Variants in SLC36A1 observed in about 807,000 individuals in gnomAD.
The protein encoded by SLC36A1 is proton-coupled amino acid transporter 1.
SLC36A1 carries 30 observed loss-of-function variants against 47.5 expected under a neutral mutation model. The ratio of observed to expected loss-of-function variants is 0.63; its 90% CI spans 0.47 to 0.86. The LOEUF (loss-of-function observed/expected upper bound fraction) is 0.86. Among genes scored for constraint, SLC36A1 ranks in the 40% least tolerant of loss-of-function variants. The pLI, the probability that SLC36A1 is intolerant of heterozygous loss-of-function variation, is 0.00. For missense variants in SLC36A1, 517 were observed against 606.0 expected (o/e 0.85, Z 1.54); for synonymous variants, 255 against 249.7 (o/e 1.02, Z -0.20).
chr5:151,457,333 A>G (rs1754703084), intron 1 of SLC36A1, among the ~76,000 whole-genome samples: 1 of 152,024 alleles, frequency 6.6e-6, no homozygotes, highest in Non-Finnish European at 1.5e-5. Context: ...AGGCTCATTT[A>G]GCAATGGTCT....
chr5:151,466,395 A>G (rs749357439), intron 5 of SLC36A1, among the ~76,000 whole-genome samples: 10 of 152,316 alleles, frequency 6.6e-5, no homozygotes, highest in South Asian at 2.1e-4. Flanking sequence ...TGACCATACT[A>G]TGTATACTGT....
chr5:151,533,393 AACACACAC>A, the SLC36A1 span, among the ~76,000 whole-genome samples: 263 of 132,182 alleles, frequency 2.0e-3, 1 homozygote, highest in Middle Eastern at 7.7e-3. Context: ...TGTTATCTCC[AACACACAC>A]ACACACACAC....
At chr5:151,509,823 G>A in the SLC36A1 span, 33 of 598,726 alleles carry the variant, frequency 5.5e-5, 1 homozygote, top group Middle Eastern at 9.4e-4. Flanking sequence ...TGCCTGGTCC[G>A]TGGAAAAAGT....
chr5:151,394,247 G>T, the SLC36A1 span, among the ~76,000 whole-genome samples: 2 of 152,154 alleles, frequency 1.3e-5, no homozygotes, highest in Non-Finnish European at 2.9e-5. Flanking sequence ...ATGGTTTTCA[G>T]CTCCATCAGG....
At chr5:151,474,695 C>T (rs993219398) in intron 8 of SLC36A1, among the ~76,000 whole-genome samples, 5 of 152,182 alleles carry the variant, frequency 3.3e-5, no homozygotes, top group Non-Finnish European at 5.9e-5. Context: ...ACTCCTGGCT[C>T]AGCATTCTGT....
the SLC36A1 span, chr5:151,540,895 A>ACC: frequency 2.6e-6 from 2 of 781,070 alleles, no homozygotes; most frequent in East Asian, 2.7e-5. Context: ...CTTAACTAGG[A>ACC]ACCCACGATT....
At chr5:151,531,789 G>A in the SLC36A1 span, 31 of 1,612,752 alleles carry the variant, frequency 1.9e-5, no homozygotes, top group Non-Finnish European at 2.4e-5. This position sits in a 1 kb window ranked among gnomAD's most constrained non-coding sequence, Gnocchi z 5.7. Context: ...AGACTGTGAC[G>A]GTGCCCAGCG....
intron 8 of SLC36A1, among the ~76,000 whole-genome samples, chr5:151,476,122 C>T (rs973597650): frequency 2.6e-5 from 4 of 152,276 alleles, no homozygotes; most frequent in Non-Finnish European, 5.9e-5. Context: ...TAACTTGTCA[C>T]TGCTAGTGCT....
intron 10 of SLC36A1, among the ~76,000 whole-genome samples, chr5:151,483,524 GGT>G (rs1759122350): frequency 2.7e-5 from 4 of 150,034 alleles, no homozygotes; most frequent in Non-Finnish European, 4.4e-5. Flanking sequence ...GTGTGGGGGG[GGT>G]GATTAGGGGA....
At chr5:151,382,498 C>G in the SLC36A1 span, 1 of 520,074 alleles carries the variant, frequency 1.9e-6, no homozygotes, top group African/African-American at 1.9e-5. Context: ...TTCCCAGACC[C>G]TGCTTAGGTC....
At chr5:151,452,428 A>G (rs918421) in intron 1 of SLC36A1, 76,072 of 152,048 alleles carry the variant, frequency 0.5, 19,678 homozygotes, top group African/African-American at 0.64. Context: ...TAATTGTTTC[A>G]GAATAACGGA....
chr5:151,487,004 A>G (rs969630975), intron 10 of SLC36A1, among the ~76,000 whole-genome samples: 3 of 152,230 alleles, frequency 2.0e-5, no homozygotes. Context: ...AGCAGTTAAT[A>G]TCCCCATTTT....
chr5:151,349,831 G>T, the SLC36A1 span, among the ~76,000 whole-genome samples: 1 of 152,150 alleles, frequency 6.6e-6, no homozygotes, highest in African/African-American at 2.4e-5. Context: ...ATAAAGAACA[G>T]AGACTCAGAC....
At chr5:151,372,186 C>T in the SLC36A1 span, among the ~76,000 whole-genome samples, 31 of 152,268 alleles carry the variant, frequency 2.0e-4, no homozygotes, top group African/African-American at 7.5e-4. Flanking sequence ...CAGAGTCTCT[C>T]AGTTGTTGTC....
At chr5:151,459,474 T>C (rs992604111) in intron 2 of SLC36A1, among the ~76,000 whole-genome samples, 10 of 152,224 alleles carry the variant, frequency 6.6e-5, no homozygotes, top group African/African-American at 2.4e-4. Context: ...TCATTTGGGC[T>C]GAGTTTGGCC....
intron 7 of SLC36A1, among the ~76,000 whole-genome samples, chr5:151,468,269 A>ATATATATATATATATATATATATATTT (rs1756811917): frequency 1.8e-4 from 15 of 81,620 alleles, no homozygotes; most frequent in South Asian, 4.3e-4. Context: ...AAAAAAAAAT[A>ATATATATATATATATATATATATATTT]TATATATATA....
rs745696164 is a variant in SLC36A1 at position 151,479,403 on chromosome 5, T to C, written c.1073T>C (p.Ile358Thr). 1.9e-6 allele frequency: 3 copies of C among 1,614,130 alleles called. No homozygotes were observed. The highest frequency in any genetic ancestry group is 1.3e-5 in the African/African-American group (1 of 74,946). ...ALQFYVPAEI[I>T]IPFFVSRAPE... Reference sequence around the variant, plus strand: ...CAGTTCTACGTCCCGGCTGAGATCATCATCCCCTTCTTTGTGTCCCGAGCG... The same window carrying C: ...CAGTTCTACGTCCCGGCTGAGATCACCATCCCCTTCTTTGTGTCCCGAGCG... The change falls in exon 10 of 11, where the codon ATC becomes ACC. Residue 358 changes from isoleucine (I) to threonine (T), a missense_variant. Coordinates refer to ENST00000243389, the MANE Select transcript of SLC36A1 (RefSeq NM_078483.4).
the SLC36A1 span, among the ~76,000 whole-genome samples, chr5:151,415,651 T>A: frequency 1.3e-5 from 2 of 152,192 alleles, no homozygotes. Flanking sequence ...TCCATTGAGG[T>A]AGAGATTGTG....
the SLC36A1 span, among the ~76,000 whole-genome samples, chr5:151,414,344 A>G: frequency 1.3e-5 from 2 of 152,120 alleles, no homozygotes; most frequent in African/African-American, 2.4e-5. Context: ...AAAATGCACA[A>G]TCTATTTGAG....
Sources: gnomAD v4.1 joint callset for allele counts (sites outside exome capture counted in the v4.1 genomes callset) on GRCh38, gnomAD v4.1.1 for gene constraint, Gnocchi (gnomAD v3.1) non-coding constraint, MANE v1.5 for transcripts, NCBI Gene and HGNC (gene_info 2026-07-23, HGNC 2026-07-21) for gene names.